USP30: variants seen among roughly 807,000 people sequenced by gnomAD.
USP30 encodes ubiquitin specific peptidase 30.
Under a neutral mutation model 68.2 loss-of-function variants are expected in USP30, and 41 were observed. The ratio of observed to expected loss-of-function variants is 0.60; its 90% confidence interval spans 0.47 to 0.78. The LOEUF (loss-of-function observed/expected upper bound fraction) is 0.78. USP30 is among the 30% of genes least tolerant of loss of function. USP30 has a pLI of 0.00. For synonymous variants in USP30, 229 were observed against 253.7 expected, an observed-to-expected ratio of 0.90 and a Z score of 0.93; for missense variants, 522 against 649.4, an observed-to-expected ratio of 0.80 and a Z score of 2.13.
Position 109,085,997 on chromosome 12 carries a change from G to A in USP30, c.*66G>A. 5 of 1,527,896 alleles carry A rather than the reference G, an allele frequency of 3.3e-6. No homozygotes were observed. The highest frequency in any genetic ancestry group is 4.4e-6 in the Non-Finnish European group (5 of 1,134,138). The allele number at this position is 1,527,896 out of a possible 1,614,324, so 94.6% of individuals were successfully genotyped here. ...CACTGTCCAGGAAAAAAGTAAAACTGTACTGTTGCGTGTGCAAGCGGCCCC... is the reference window on the plus strand; with the variant it reads ...CACTGTCCAGGAAAAAAGTAAAACTATACTGTTGCGTGTGCAAGCGGCCCC... On this transcript the variant is annotated 3_prime_UTR_variant, in exon 13 of 13. Transcript: ENST00000257548.
At position 109,085,038 on chromosome 12, in the gene USP30, G is replaced by A. The variant is rs188416495; in HGVS notation, c.1254G>A (p.Pro418=). The change falls in exon 12 of 13, where the codon CCG becomes CCA. Residue 418 remains proline, a synonymous_variant. Coordinates refer to ENST00000257548, the MANE Select transcript of USP30 (RefSeq NM_032663.5). ...SPSLLPTLSA[P]MPFPLPVVPD... is the part of the protein sequence containing the mutation. ...CTTTATTGCCAACGCTGTCAGCGCC[G>A]ATGCCCTTCCCTCTCCCAGTTGTTC... 4.9e-4 allele frequency: 787 copies of A among 1,601,568 alleles called. No homozygotes were observed. The highest frequency in any genetic ancestry group is 6.3e-4 in the Non-Finnish European group (743 of 1,172,798).
Position 109,070,914 on chromosome 12 carries a change from C to T in USP30, c.481-698C>T, listed in dbSNP as rs1402414000. Among the ~76,000 whole-genome samples the T allele has an allele frequency of 1.3e-5, 2 of 152,158 alleles. No homozygotes were observed. Among genetic ancestry groups the T allele is most frequent in the Admixed American group, 6.6e-5 (1 of 15,264 alleles). Reference sequence around the variant, plus strand: ...GTTCATCGGCTGATAAATAGGTAAACAAAACTTTCATACAATGGAATATTA... The same window carrying T: ...GTTCATCGGCTGATAAATAGGTAAATAAAACTTTCATACAATGGAATATTA... On this transcript the variant is annotated intron_variant, in intron 4 of 12. Transcript: ENST00000257548. The surrounding 1 kb of genome is among the most constrained non-coding windows in gnomAD (Gnocchi z 4.0).
In USP30 at chr12:109,087,096, C is replaced by T. The variant is rs1164363638; in HGVS notation, c.*1165C>T. The T allele has an allele frequency of 6.6e-6, 1 of 152,106 alleles. No individual in the cohort carries two copies. The highest frequency in any genetic ancestry group is 1.5e-5 in the Non-Finnish European group (1 of 68,038). The allele number at this position is 152,106 out of a possible 1,614,324, so 9.4% of individuals were successfully genotyped here. A position where few individuals can be genotyped will look rare whatever the true frequency, so the allele number is the denominator to read the frequency against. ...TTTATTCATTTCCAATAGCCTAATA[C>T]AAAAAGTATATATTGAGCACTTTCT... is the stretch of plus-strand genomic sequence containing the variant. On this transcript the variant is annotated 3_prime_UTR_variant, in exon 13 of 13. Transcript: ENST00000257548.
intron 4 of USP30, 64 bp downstream of exon 4, chr12:109,067,691 A>C: frequency 7.0e-7 from 1 of 1,428,348 alleles, no homozygotes. Flanking sequence ...TTGGGGCCTG[A>C]CCTTAAAATT....
intron 8 of USP30, chr12:109,081,644 C>A: frequency 1.7e-6 from 1 of 595,470 alleles, no homozygotes; most frequent in Non-Finnish European, 3.0e-6. Flanking sequence ...CACACACACA[C>A]ACACACACAC....
intron 7 of USP30, among the ~76,000 whole-genome samples, chr12:109,075,781 C>T (rs1180873582): frequency 8.9e-5 from 13 of 146,582 alleles, no homozygotes; most frequent in Admixed American, 8.8e-4. Flanking sequence ...ATTTGTATGT[C>T]TTTTTTTTGC....
chr12:109,082,875 G>A lies in USP30; in HGVS notation c.981G>A (p.Arg327=), dbSNP rs2041843390. ...AGTGTCTCTGCATCCACCTACAGCG[G>A]CTGAGCTGGTCCAGCCACGGCACGC... is the stretch of plus-strand genomic sequence containing the variant. ...LPQCLCIHLQ[R]LSWSSHGTPL... Residue 327 remains arginine, a synonymous_variant, in exon 11 of 13, where the codon CGG becomes CGA. Coordinates refer to ENST00000257548, the MANE Select transcript of USP30 (RefSeq NM_032663.5). The A allele has an allele frequency of 1.2e-6, 2 of 1,614,186 alleles. No individual in the cohort carries two copies. The highest frequency in any genetic ancestry group is 1.7e-6 in the Non-Finnish European group (2 of 1,180,014).
chr12:109,071,883 G>A (rs1319485862), intron 5 of USP30, among the ~76,000 whole-genome samples, 173 bp downstream of exon 5: 1 of 152,202 alleles, frequency 6.6e-6, no homozygotes, highest in Non-Finnish European at 1.5e-5. Flanking sequence ...TTGGTGATCT[G>A]ATTAGGGATG....
intron 7 of USP30, among the ~76,000 whole-genome samples, chr12:109,075,657 T>G (rs1449210923): frequency 6.6e-6 from 1 of 152,198 alleles, no homozygotes; most frequent in Non-Finnish European, 1.5e-5. Context: ...GACCACATGC[T>G]GTCATTTTGG....
At chr12:109,050,630 A>G (rs889090246), upstream of USP30, among the ~76,000 whole-genome samples, 2 of 152,196 alleles carry the variant, frequency 1.3e-5, no homozygotes, top group African/African-American at 4.8e-5. Context: ...TGTGCTGTCC[A>G]ATACGGTAGC....
intron 9 of USP30, 91 bp downstream of exon 9, chr12:109,082,110 G>A: frequency 2.2e-6 from 3 of 1,354,060 alleles, no homozygotes; most frequent in East Asian, 2.3e-5. Flanking sequence ...TCTTCTGACT[G>A]TATCCAGTGG....
intron 3 of USP30, among the ~76,000 whole-genome samples, chr12:109,031,745 G>GT (rs2040482954): frequency 6.6e-6 from 1 of 152,174 alleles, no homozygotes; most frequent in Non-Finnish European, 1.5e-5. Flanking sequence ...AGATAAGCCA[G>GT]TAACAACAAA....
At chr12:109,080,082 G>T (rs2041750120) in intron 7 of USP30, among the ~76,000 whole-genome samples, 1 of 152,172 alleles carries the variant, frequency 6.6e-6, no homozygotes, top group Non-Finnish European at 1.5e-5. Context: ...GCTTCCAGCT[G>T]CTACTTTTTG....
intron 3 of USP30, among the ~76,000 whole-genome samples, chr12:109,042,505 C>A (rs1444749833): frequency 2.0e-5 from 3 of 152,118 alleles, no homozygotes; most frequent in Non-Finnish European, 2.9e-5. Context: ...ATCTGAGCAC[C>A]TTTCCTAACA....
At chr12:109,034,478 A>G (rs527758828) in intron 3 of USP30, among the ~76,000 whole-genome samples, 9 of 152,204 alleles carry the variant, frequency 5.9e-5, no homozygotes, top group Non-Finnish European at 1.2e-4. Flanking sequence ...TGTAATCCCA[A>G]CGCTTTGGGA....
At chr12:109,058,315 A>C (rs1357172551) in intron 3 of USP30, among the ~76,000 whole-genome samples, 1 of 152,228 alleles carries the variant, frequency 6.6e-6, no homozygotes, top group Non-Finnish European at 1.5e-5. Context: ...TCATGCCTGT[A>C]ATCCCAGTAC....
intron 8 of USP30, chr12:109,081,701 T>A: frequency 1.7e-6 from 1 of 599,782 alleles, no homozygotes; most frequent in Non-Finnish European, 2.9e-6. Context: ...TAAAACAGCG[T>A]GGAAGTCCAC....
intron 1 of USP30, among the ~76,000 whole-genome samples, chr12:109,024,047 C>T (rs1406276020): frequency 6.6e-6 from 1 of 152,154 alleles, no homozygotes; most frequent in Non-Finnish European, 1.5e-5. Context: ...CCTGGGGACT[C>T]TCTTCCCAGC....
At chr12:109,082,767 T>C (rs1353262630) in intron 10 of USP30, 24 bp downstream of exon 10, 4 of 1,612,068 alleles carry the variant, frequency 2.5e-6, no homozygotes, top group South Asian at 2.2e-5. Flanking sequence ...ACACACCCTG[T>C]TGGCTTTGTT....
Sources: gnomAD v4.1 joint callset for allele counts (sites outside exome capture counted in the v4.1 genomes callset) on GRCh38, gnomAD v4.1.1 for gene constraint, Gnocchi (gnomAD v3.1) non-coding constraint, MANE v1.5 for transcripts, NCBI Gene and HGNC (gene_info 2026-07-23, HGNC 2026-07-21) for gene names.